Variants in AGBL4 observed in about 807,000 individuals in gnomAD.
AGBL4 encodes the protein cytosolic carboxypeptidase 6.
A neutral mutation model predicts 66.4 loss-of-function variants in AGBL4; 58 were observed. That is an observed-to-expected ratio of 0.87 (90% CI 0.71 to 1.09). The LOEUF is 1.09. AGBL4 is among the 50% of genes least tolerant of loss of function. The pLI is 0.00. For synonymous variants in AGBL4, 234 were observed against 222.9 expected (o/e 1.05, Z -0.44); for missense variants, 579 against 631.0 (o/e 0.92, Z 0.88).
chr1:48,999,828 C>G (rs543595270), intron 5 of AGBL4, among the ~76,000 whole-genome samples: 1 of 152,146 alleles, frequency 6.6e-6, no homozygotes, highest in Non-Finnish European at 1.5e-5. Flanking sequence ...TATGATCTAC[C>G]AGCCCCCCTT....
chr1:48,942,061 C>G (rs1412149417), intron 5 of AGBL4, among the ~76,000 whole-genome samples: 2 of 152,118 alleles, frequency 1.3e-5, no homozygotes, highest in Non-Finnish European at 2.9e-5. Context: ...TCTATAAAGT[C>G]AACAAAGCAT....
intron 1 of AGBL4, among the ~76,000 whole-genome samples, chr1:49,865,642 AT>A (rs1269184186): frequency 6.6e-6 from 1 of 152,222 alleles, no homozygotes; most frequent in African/African-American, 2.4e-5. Flanking sequence ...ACTCAGGAAG[AT>A]GAGAAAGAAT....
At chr1:49,800,233 T>C (rs1257666637) in intron 2 of AGBL4, among the ~76,000 whole-genome samples, 1 of 152,206 alleles carries the variant, frequency 6.6e-6, no homozygotes, top group Non-Finnish European at 1.5e-5. Context: ...TGGTAATATG[T>C]ATGTGATTAC....
At chr1:49,840,684 C>A (rs1355340156) in intron 2 of AGBL4, among the ~76,000 whole-genome samples, 1 of 152,188 alleles carries the variant, frequency 6.6e-6, no homozygotes, top group Non-Finnish European at 1.5e-5. Context: ...ATCAAGCAGG[C>A]TTTATTCCCA....
At chr1:49,770,882 T>C (rs1285485143) in intron 2 of AGBL4, among the ~76,000 whole-genome samples, 1 of 152,172 alleles carries the variant, frequency 6.6e-6, no homozygotes, top group Non-Finnish European at 1.5e-5. Flanking sequence ...TCTGATTTTA[T>C]TTATTTGGGT....
chr1:49,613,719 C>T (rs547737037), intron 3 of AGBL4, among the ~76,000 whole-genome samples: 1 of 152,226 alleles, frequency 6.6e-6, no homozygotes, highest in East Asian at 1.9e-4. Context: ...ACAGGGCTTC[C>T]ACTGATTCAA....
chr1:50,008,069 A>G (rs769872700), intron 1 of AGBL4, among the ~76,000 whole-genome samples: 16 of 152,188 alleles, frequency 1.1e-4, no homozygotes, highest in Non-Finnish European at 2.2e-4. Flanking sequence ...CCCCAATACA[A>G]TAATAGCTAC....
chr1:48,666,044 C>T (rs1234714353), intron 6 of AGBL4, among the ~76,000 whole-genome samples: 1 of 152,132 alleles, frequency 6.6e-6, no homozygotes, highest in African/African-American at 2.4e-5. Flanking sequence ...TCAAGCATCT[C>T]GGGTGCTAAT....
At chr1:49,171,731 T>C (rs963124176) in intron 4 of AGBL4, among the ~76,000 whole-genome samples, 1 of 152,174 alleles carries the variant, frequency 6.6e-6, no homozygotes, top group African/African-American at 2.4e-5. Context: ...TCCAGTACCT[T>C]TGTATATCCT....
chr1:49,882,907 T>G (rs1571796270), intron 1 of AGBL4, among the ~76,000 whole-genome samples: 1 of 152,036 alleles, frequency 6.6e-6, no homozygotes, highest in African/African-American at 2.4e-5. Flanking sequence ...TAGTGGAGAG[T>G]CCTATACAAC....
intron 3 of AGBL4, among the ~76,000 whole-genome samples, chr1:49,293,268 C>T (rs1644578475): frequency 6.6e-6 from 1 of 152,206 alleles, no homozygotes; most frequent in Non-Finnish European, 1.5e-5. Context: ...CACTCACACA[C>T]TCCTTGCCAC....
At chr1:49,168,571 T>G (rs1435898257) in intron 4 of AGBL4, among the ~76,000 whole-genome samples, 1 of 152,208 alleles carries the variant, frequency 6.6e-6, no homozygotes. Context: ...GCCTTGGCAC[T>G]CTGCCTGTTC....
intron 6 of AGBL4, among the ~76,000 whole-genome samples, chr1:48,709,804 G>A (rs320052): frequency 0.88 from 132,860 of 151,574 alleles, 60,703 homozygotes; most frequent in Non-Finnish European, 1. Context: ...GGGTTTCACC[G>A]TGTTAGCCGG....
intron 1 of AGBL4, among the ~76,000 whole-genome samples, chr1:49,863,360 A>C (rs565610082): frequency 6.6e-6 from 1 of 152,346 alleles, no homozygotes; most frequent in South Asian, 2.1e-4. Context: ...AATCACCAGG[A>C]CATTGGTCTG....
At position 49,535,318 on chromosome 1, in the gene AGBL4, TTAATA is replaced by T. The variant is rs896450310; in HGVS notation, c.282+161990_282+161994del. 7.4e-5 allele frequency among the ~76,000 whole-genome samples: 11 copies of T among 148,478 alleles called. 1 individual carries two copies. The highest frequency in any genetic ancestry group is 2.7e-4 in the African/African-American group (11 of 40,810). On this transcript the variant is annotated intron_variant, in intron 3 of 13. Transcript: ENST00000371839. ...CTATCTCATTCTATACATTAATATA[TTAATA>T]TAATATAATATGTAATATGACATAA...
chr1:49,897,238 GAACTGATA>G (rs1649314763), intron 1 of AGBL4, among the ~76,000 whole-genome samples: 1 of 151,872 alleles, frequency 6.6e-6, no homozygotes, highest in African/African-American at 2.4e-5. Context: ...AAAACTATTA[GAACTGATA>G]AATTCAGTAA....
chr1:49,085,262 T>TTCA (rs55673573), intron 4 of AGBL4, among the ~76,000 whole-genome samples: 6,662 of 145,358 alleles, frequency 0.046, 154 homozygotes, highest in South Asian at 0.058. Flanking sequence ...GACTGGGACT[T>TTCA]TCATCATCAT....
chr1:49,576,492 G>T (rs1571085705), intron 3 of AGBL4, among the ~76,000 whole-genome samples: 1 of 152,296 alleles, frequency 6.6e-6, no homozygotes, highest in East Asian at 1.9e-4. Flanking sequence ...TACTCTCTTT[G>T]TGAGAGACAG....
At chr1:49,465,104 A>G (rs1646597868) in intron 3 of AGBL4, among the ~76,000 whole-genome samples, 1 of 151,586 alleles carries the variant, frequency 6.6e-6, no homozygotes, top group South Asian at 2.1e-4. Context: ...GGTGAGGTAC[A>G]TACACTGTGG....
Sources: gnomAD v4.1 joint callset for allele counts (sites outside exome capture counted in the v4.1 genomes callset) on GRCh38, gnomAD v4.1.1 for gene constraint, MANE v1.5 for transcripts, NCBI Gene and HGNC (gene_info 2026-07-23, HGNC 2026-07-21) for gene names.